Variants in MYMX observed in about 807,000 individuals in gnomAD.
The protein encoded by MYMX is protein myomixer.
At chr6:44,205,809 A>T in the MYMX span, among the ~76,000 whole-genome samples, 1 of 148,368 alleles carries the variant, frequency 6.7e-6, no homozygotes, top group South Asian at 2.1e-4. Flanking sequence ...ACTTCTTCTC[A>T]AAAAAAAAGA....
At chr6:44,198,310 C>T in the MYMX span, among the ~76,000 whole-genome samples, 33 of 151,080 alleles carry the variant, frequency 2.2e-4, no homozygotes, top group South Asian at 4.0e-3. Context: ...CTACAGGTGC[C>T]CGCCACTACC....
chr6:44,202,798 G>A, the MYMX span, among the ~76,000 whole-genome samples: 1 of 152,136 alleles, frequency 6.6e-6, no homozygotes, highest in Non-Finnish European at 1.5e-5. Context: ...ATTCCTTGGA[G>A]CCAGCCACTG....
the MYMX span, among the ~76,000 whole-genome samples, chr6:44,199,690 A>AT: frequency 0.57 from 83,523 of 147,140 alleles, 23,481 homozygotes; most frequent in East Asian, 0.69. Flanking sequence ...GGGAGAACTA[A>AT]TTTTTTTTTT....
chr6:44,198,154 CTTTTTTTTTT>C, the MYMX span, among the ~76,000 whole-genome samples: 4 of 79,770 alleles, frequency 5.0e-5, no homozygotes, highest in South Asian at 8.7e-4. Flanking sequence ...CCAAATTCCT[CTTTTTTTTTT>C]TTTTTTTTTT....
the MYMX span, among the ~76,000 whole-genome samples, chr6:44,205,269 C>T: frequency 6.6e-6 from 1 of 151,834 alleles, no homozygotes; most frequent in Non-Finnish European, 1.5e-5. Flanking sequence ...TTGCGGGCAA[C>T]CCCCCAGGGT....
At chr6:44,211,781 C>T in the MYMX span, among the ~76,000 whole-genome samples, 1 of 50,074 alleles carries the variant, frequency 2.0e-5, no homozygotes, top group African/African-American at 7.7e-5. Flanking sequence ...CCATGTCCAG[C>T]TAGGTTTTGT....
rs1775946700 is a variant in MYMX, at chr6:44,217,555, C to A, written c.84C>A (p.Tyr28Ter). 2.5e-6 allele frequency: 1 copy of A among 404,272 alleles called. No individual in the cohort carries two copies. Among genetic ancestry groups the A allele is most frequent in the East Asian group, 3.5e-5 (1 of 28,170 alleles). 25.0% of individuals were successfully genotyped at this position (404,272 alleles called of 1,614,324 possible). ...LLPAARLARQ[Y>*]LLPLLRRLAR... is the part of the protein sequence containing the mutation. ...CTGCTGCCCGCCTGGCCCGCCAATA[C>A]CTCCTGCCCCTGCTGCGCCGATTGG... is the stretch of plus-strand genomic sequence containing the variant. Residue 28 changes from tyrosine to a stop codon, truncating the protein, a stop_gained, in exon 2 of 2, where the codon TAC (tyrosine) becomes TAA (stop). Transcript: ENST00000573382. LOFTEE classifies it high-confidence loss of function.
upstream of MYMX, among the ~76,000 whole-genome samples, chr6:44,214,935 C>T (rs1775781848): frequency 6.6e-6 from 1 of 152,130 alleles, no homozygotes; most frequent in South Asian, 2.1e-4. Flanking sequence ...ACCCAATGCA[C>T]CTGTCACCCA....
At chr6:44,196,308 G>A in the MYMX span, among the ~76,000 whole-genome samples, 46 of 151,846 alleles carry the variant, frequency 3.0e-4, no homozygotes, top group Non-Finnish European at 1.0e-4. Flanking sequence ...CTGGGTTCCA[G>A]GGAAATAAAT....
At position 44,217,988 on chromosome 6, in the gene MYMX, T is replaced by G; in HGVS notation, c.*262T>G. On this transcript the variant is annotated 3_prime_UTR_variant, in exon 2 of 2. Coordinates refer to ENST00000573382, the MANE Select transcript of MYMX (RefSeq NM_001315494.2). The stretch of plus-strand genomic sequence containing the variant: ...CCCAAAGACCACTCCTAATCACCTC[T>G]GGCCTCAGGCGGGAGGGGAACTAAC... 3.0e-6 allele frequency: 1 copy of G among 329,580 alleles called. No individual in the cohort carries two copies. Among genetic ancestry groups the G allele is most frequent in the Non-Finnish European group, 5.5e-6 (1 of 182,414 alleles). The allele number at this position is 329,580 out of a possible 1,614,324, so 20.4% of individuals were successfully genotyped here. A position where few individuals can be genotyped will look rare whatever the true frequency, so the allele number is the denominator to read the frequency against.
At chr6:44,211,767 G>A in the MYMX span, among the ~76,000 whole-genome samples, 6 of 132,066 alleles carry the variant, frequency 4.5e-5, no homozygotes, top group Non-Finnish European at 7.9e-5. Context: ...ACAGGCACAC[G>A]CCACCATGTC....
the MYMX span, among the ~76,000 whole-genome samples, chr6:44,193,654 C>T: frequency 2.8e-3 from 433 of 152,298 alleles, 5 homozygotes; most frequent in African/African-American, 9.2e-3. Context: ...AATCCAATCA[C>T]ACAGCCGCTC....
the MYMX span, among the ~76,000 whole-genome samples, chr6:44,210,801 G>A: frequency 9.8e-5 from 15 of 152,290 alleles, no homozygotes; most frequent in African/African-American, 3.6e-4. Context: ...AGATAGTTGG[G>A]TCTGTTAGTA....
upstream of MYMX, among the ~76,000 whole-genome samples, chr6:44,214,951 C>T (rs1035719842): frequency 6.6e-6 from 1 of 152,182 alleles, no homozygotes; most frequent in Non-Finnish European, 1.5e-5. Context: ...ACCCACAACC[C>T]TACAATAGCA....
chr6:44,217,548 G>A lies in MYMX; in HGVS notation c.77G>A (p.Arg26His). The A allele has an allele frequency of 1.2e-5, 5 of 405,288 alleles. No homozygotes were observed. Among genetic ancestry groups the A allele is most frequent in the Admixed American group, 8.8e-5 (2 of 22,800 alleles). The allele number at this position is 405,288 out of a possible 1,614,324, so 25.1% of individuals were successfully genotyped here. A position where few individuals can be genotyped will look rare whatever the true frequency, so the allele number is the denominator to read the frequency against. ...CLLLPAARLA[R>H]QYLLPLLRRL... Reference sequence around the variant, plus strand: ...CTGCTGCCTGCTGCCCGCCTGGCCCGCCAATACCTCCTGCCCCTGCTGCGC... The same window carrying A: ...CTGCTGCCTGCTGCCCGCCTGGCCCACCAATACCTCCTGCCCCTGCTGCGC... Residue 26 changes from arginine (R) to histidine (H), a missense_variant, in exon 2 of 2, where the codon CGC becomes CAC. Transcript: ENST00000573382.
chr6:44,214,461 A>T (rs1224970398), upstream of MYMX, among the ~76,000 whole-genome samples: 1 of 152,064 alleles, frequency 6.6e-6, no homozygotes, highest in East Asian at 1.9e-4. Flanking sequence ...GAAGATCAGG[A>T]TGTTTATCCG....
chr6:44,208,417 T>C, the MYMX span, among the ~76,000 whole-genome samples: 6 of 152,118 alleles, frequency 3.9e-5, no homozygotes, highest in African/African-American at 1.4e-4. Context: ...TAGAACTAAG[T>C]TGAAATCCAA....
upstream of MYMX, among the ~76,000 whole-genome samples, chr6:44,214,914 C>G (rs1582909628): frequency 6.6e-6 from 1 of 152,248 alleles, no homozygotes; most frequent in East Asian, 1.9e-4. Context: ...AGAAGCTTGG[C>G]ATATGTGTGT....
chr6:44,207,097 T>C, the MYMX span, among the ~76,000 whole-genome samples: 1 of 152,198 alleles, frequency 6.6e-6, no homozygotes, highest in South Asian at 2.1e-4. Flanking sequence ...TCATCCCACA[T>C]TCCTTGGCAA....
Sources: gnomAD v4.1 joint callset for allele counts (sites outside exome capture counted in the v4.1 genomes callset) on GRCh38, gnomAD v4.1.1 for gene constraint, MANE v1.5 for transcripts, NCBI Gene and HGNC (gene_info 2026-07-23, HGNC 2026-07-21) for gene names.